PTPRN2: variants seen among roughly 807,000 people sequenced by gnomAD.
PTPRN2 encodes the protein receptor-type tyrosine-protein phosphatase N2.
Under a neutral mutation model 118.8 loss-of-function variants are expected in PTPRN2, and 74 were observed. The ratio of observed to expected loss-of-function variants is 0.62; its 90% CI spans 0.52 to 0.76. The LOEUF is 0.76. Ranked by LOEUF, PTPRN2 falls within the 30% of genes least tolerant of loss-of-function variation. The probability of loss-of-function intolerance (pLI) is 0.00; values close to 1 mark genes in which losing one functional copy is unlikely to be tolerated. For synonymous variants in PTPRN2, 641 were observed against 608.0 expected (o/e 1.05, Z -0.80); for missense variants, 1,481 against 1,394.4 (o/e 1.06, Z -0.99).
At chr7:158,264,593 A>G (rs1010726323) in intron 3 of PTPRN2, among the ~76,000 whole-genome samples, 1 of 152,064 alleles carries the variant, frequency 6.6e-6, no homozygotes, top group African/African-American at 2.4e-5. Flanking sequence ...GGCCCTTGCA[A>G]CAGTCTAGGA....
intron 9 of PTPRN2, among the ~76,000 whole-genome samples, chr7:158,128,868 C>G (rs1360291937): frequency 2.0e-5 from 3 of 152,092 alleles, no homozygotes; most frequent in African/African-American, 7.2e-5. Context: ...GGGAAACACA[C>G]AGTGTCCACG....
intron 6 of PTPRN2, among the ~76,000 whole-genome samples, chr7:158,162,370 GC>G (rs1409895375): frequency 6.6e-6 from 1 of 152,112 alleles, no homozygotes; most frequent in Admixed American, 6.5e-5. Flanking sequence ...ATAAACTGTG[GC>G]CCATCTATAC....
At chr7:158,442,243 C>G (rs1817402693) in intron 2 of PTPRN2, among the ~76,000 whole-genome samples, 1 of 151,940 alleles carries the variant, frequency 6.6e-6, no homozygotes, top group African/African-American at 2.4e-5. Flanking sequence ...TCTCTGATTA[C>G]CTGACATGGT....
intron 14 of PTPRN2, among the ~76,000 whole-genome samples, chr7:157,645,206 G>A (rs1804983775): frequency 6.6e-6 from 1 of 152,220 alleles, no homozygotes; most frequent in Non-Finnish European, 1.5e-5. Context: ...GCTGCCATGA[G>A]GACTGTGTCC....
At position 158,084,494 on chromosome 7, in the gene PTPRN2, C is replaced by G. The variant is rs182250458; in HGVS notation, c.1644-3117G>C. Among the ~76,000 whole-genome samples, 6 of 152,156 alleles carry G rather than the reference C, an allele frequency of 3.9e-5. No individual in the cohort carries two copies. In the East Asian group the frequency reaches 1.2e-3, roughly 29 times the overall value. The stretch of plus-strand genomic sequence containing the variant: ...ATAAATCCCATGTGCATATTGCCAG[C>G]ATCAAAAGGGGAATTTCTGTACTAA... On this transcript the variant is annotated intron_variant, in intron 10 of 22. Coordinates refer to ENST00000389418, the MANE Select transcript of PTPRN2 (RefSeq NM_002847.5).
rs372660847 is a variant in PTPRN2, at chr7:157,816,745, ACCCTCTGCCCTCTG to A, written c.1788+81914_1788+81927del. On this transcript the variant is annotated intron_variant, in intron 12 of 22. Coordinates refer to ENST00000389418, the MANE Select transcript of PTPRN2 (RefSeq NM_002847.5). ...CGGGTGGTGCGAGACTCTGCCCTCT[ACCCTCTGCCCTCTG>A]CCCTCTGCCCTGGCGTTGAGTGCTT... 4.0e-5 allele frequency among the ~76,000 whole-genome samples: 6 copies of A among 151,870 alleles called. No homozygotes were observed. The East Asian group carries it at 1.2e-3, about 29-fold the overall frequency.
chr7:158,020,364 C>T (rs1463008300), intron 11 of PTPRN2, among the ~76,000 whole-genome samples: 2 of 152,172 alleles, frequency 1.3e-5, no homozygotes. Context: ...ACTGAGCTCT[C>T]AGAGATGAGG....
At chr7:158,523,043 A>T (rs1824329914) in intron 1 of PTPRN2, among the ~76,000 whole-genome samples, 1 of 152,234 alleles carries the variant, frequency 6.6e-6, no homozygotes, top group African/African-American at 2.4e-5. Context: ...AGGGATTGTC[A>T]GCATCACCGT....
At chr7:157,810,024 CG>C (rs1805885553) in intron 12 of PTPRN2, among the ~76,000 whole-genome samples, 1 of 152,148 alleles carries the variant, frequency 6.6e-6, no homozygotes, top group Non-Finnish European at 1.5e-5. Context: ...AGCTGGAAGC[CG>C]GGGCCACCGT....
In PTPRN2 at chr7:158,285,164, A is replaced by G. The variant is rs115630328; in HGVS notation, c.277+31655T>C. 9.1e-3 allele frequency among the ~76,000 whole-genome samples: 1,388 copies of G among 152,306 alleles called. 25 individuals are homozygous for G. The highest frequency in any genetic ancestry group is 0.032 in the African/African-American group (1,311 of 41,558). On this transcript the variant is annotated intron_variant, in intron 3 of 22. Coordinates refer to ENST00000389418, the MANE Select transcript of PTPRN2 (RefSeq NM_002847.5). ...GTGCCCAGGCTTTGGGCCATGCTGC[A>G]AATGTATCCTGCCATTGTGAAATGA...
chr7:158,585,029 TAC>T (rs1264600204), intron 1 of PTPRN2, among the ~76,000 whole-genome samples: 3 of 152,154 alleles, frequency 2.0e-5, no homozygotes, highest in Non-Finnish European at 4.4e-5. Context: ...ATAAATAGAT[TAC>T]AAATGGCACA....
chr7:158,063,971 CTACA>C (rs1432476002), intron 11 of PTPRN2, among the ~76,000 whole-genome samples: 1 of 152,196 alleles, frequency 6.6e-6, no homozygotes, highest in African/African-American at 2.4e-5. Flanking sequence ...GAGACACACA[CTACA>C]TACAATCACT....
At position 157,801,172 on chromosome 7, in the gene PTPRN2, C is replaced by T. The variant is rs537631103; in HGVS notation, c.1788+97501G>A. On this transcript the variant is annotated intron_variant, in intron 12 of 22. Transcript: ENST00000389418. The surrounding 1 kb of genome is among the most constrained non-coding windows in gnomAD (Gnocchi z 4.2). ...GTGGTGCTTATGTGGTGTCACAATG[C>T]GTCTTGTGCCTCTCATCTGATTCCG... 5.9e-5 allele frequency among the ~76,000 whole-genome samples: 9 copies of T among 152,028 alleles called. No homozygotes were observed. The South Asian group carries it at 1.7e-3, about 28-fold the overall frequency.
intron 12 of PTPRN2, among the ~76,000 whole-genome samples, chr7:157,882,968 T>G (rs1271731342): frequency 6.7e-6 from 1 of 148,158 alleles, no homozygotes; most frequent in African/African-American, 2.5e-5. Context: ...CCAAAACGAC[T>G]GTTGGAGAAC....
At chr7:157,734,245 C>T (rs999782278) in intron 12 of PTPRN2, among the ~76,000 whole-genome samples, 3 of 143,814 alleles carry the variant, frequency 2.1e-5, no homozygotes, top group Admixed American at 1.4e-4. Context: ...ATGCTCCCAG[C>T]ACACTCTTCC....
intron 2 of PTPRN2, among the ~76,000 whole-genome samples, chr7:158,464,983 AG>A (rs1473328552): frequency 1.2e-4 from 19 of 152,368 alleles, no homozygotes; most frequent in African/African-American, 4.6e-4. Flanking sequence ...GTTGAAGTTC[AG>A]AAAGGCTAAG....
intron 14 of PTPRN2, among the ~76,000 whole-genome samples, chr7:157,642,834 AAAAAAAAAAAG>A (rs1465247157): frequency 4.8e-5 from 7 of 144,836 alleles, no homozygotes; most frequent in Non-Finnish European, 7.5e-5. Context: ...AAAAAAAAAA[AAAAAAAAAAAG>A]CAGCTAAAAC....
chr7:157,905,031 T>C (rs2128755864), intron 11 of PTPRN2, among the ~76,000 whole-genome samples: 1 of 152,324 alleles, frequency 6.6e-6, no homozygotes, highest in African/African-American at 2.4e-5. Context: ...GCCGCGTGGA[T>C]TCCCTTTTCC....
rs1802290911 is a variant in PTPRN2, at chr7:157,763,839, GC to G, written c.1789-80903del. ...GCTGGGCCTCTGCTGTGTGGCCACT[GC>G]CCCATGTGGCTGCCCCATCCCCCAG... is the stretch of plus-strand genomic sequence containing the variant. On this transcript the variant is annotated intron_variant, in intron 12 of 22. Transcript: ENST00000389418. The surrounding 1 kb of genome is among the most constrained non-coding windows in gnomAD (Gnocchi z 4.9). Among the ~76,000 whole-genome samples, 1 of 152,024 alleles carries G rather than the reference GC, an allele frequency of 6.6e-6. No homozygotes were observed. Among genetic ancestry groups the G allele is most frequent in the African/African-American group, 2.4e-5 (1 of 41,398 alleles).
Sources: allele counts gnomAD v4.1 joint callset (sites outside exome capture counted in the v4.1 genomes callset), GRCh38; gene constraint gnomAD v4.1.1; non-coding constraint Gnocchi (gnomAD v3.1); transcripts MANE v1.5; gene names NCBI Gene and HGNC (gene_info 2026-07-23, HGNC 2026-07-21).